Variants in PCDH15 observed in about 807,000 individuals in gnomAD.
The protein encoded by PCDH15 is protocadherin related 15, also known as protocadherin-15.
Under a neutral mutation model 178.5 loss-of-function variants are expected in PCDH15, and 129 were observed. That is an observed-to-expected ratio of 0.72 (90% confidence interval 0.63 to 0.84). The LOEUF (loss-of-function observed/expected upper bound fraction) is 0.84, where lower values mean the gene tolerates loss of function less well. Among genes scored for constraint, PCDH15 ranks in the 40% least tolerant of loss-of-function variants. The probability of loss-of-function intolerance (pLI) is 0.00; values close to 1 mark genes in which losing one functional copy is unlikely to be tolerated. For missense variants in PCDH15, 2,230 were observed against 2,099.9 expected (o/e 1.06, Z -1.21); for synonymous variants, 800 against 732.0 (o/e 1.09, Z -1.50).
intron 3 of PCDH15, among the ~76,000 whole-genome samples, chr10:54,813,247 G>A (rs1490826307): frequency 6.6e-6 from 1 of 151,960 alleles, no homozygotes; most frequent in African/African-American, 2.4e-5. Context: ...TTTCTCCCTA[G>A]ACTTTTATGC....
intron 11 of PCDH15, among the ~76,000 whole-genome samples, chr10:54,192,227 G>GGAGAGGGA (rs899208428): frequency 6.6e-6 from 1 of 150,820 alleles, no homozygotes. Context: ...GAGAAAGAAA[G>GGAGAGGGA]GAGAGGGAGA....
intron 35 of PCDH15, among the ~76,000 whole-genome samples, chr10:53,812,578 A>C (rs926563157): frequency 2.6e-5 from 4 of 152,172 alleles, no homozygotes; most frequent in African/African-American, 9.7e-5. Flanking sequence ...TAATATTTCC[A>C]GTTCTAAACT....
chr10:55,068,120 C>T (rs1484591594), intron 2 of PCDH15, among the ~76,000 whole-genome samples: 6 of 151,886 alleles, frequency 4.0e-5, no homozygotes, highest in Non-Finnish European at 8.8e-5. Context: ...GTTTTATTTG[C>T]CTGTACTTTT....
intron 23 of PCDH15, among the ~76,000 whole-genome samples, chr10:53,950,294 A>G (rs2086909587): frequency 6.6e-6 from 1 of 152,026 alleles, no homozygotes; most frequent in African/African-American, 2.4e-5. Flanking sequence ...CCCTTATTTT[A>G]TTATATATAT....
At chr10:55,361,520 T>C (rs1460472193) in intron 2 of PCDH15, among the ~76,000 whole-genome samples, 1 of 152,052 alleles carries the variant, frequency 6.6e-6, no homozygotes, top group Admixed American at 6.6e-5. Context: ...TCATATTGTT[T>C]ACTCTGCTTT....
intron 2 of PCDH15, among the ~76,000 whole-genome samples, chr10:54,556,155 ATTATT>A (rs1371272287): frequency 1.3e-5 from 2 of 152,190 alleles, no homozygotes; most frequent in Admixed American, 6.5e-5. Flanking sequence ...AAAATTCTAT[ATTATT>A]TTAATTTCCA....
chr10:54,885,333 A>G (rs945214327), intron 3 of PCDH15, among the ~76,000 whole-genome samples: 2 of 152,062 alleles, frequency 1.3e-5, no homozygotes, highest in Non-Finnish European at 2.9e-5. Context: ...TCATTTGAAA[A>G]AAAAATAAAT....
intron 2 of PCDH15, among the ~76,000 whole-genome samples, chr10:55,619,849 T>C (rs1038361414): frequency 1.3e-5 from 2 of 152,070 alleles, no homozygotes; most frequent in Admixed American, 1.3e-4. Flanking sequence ...TTAAATTATT[T>C]TGAAGCTCAT....
intron 1 of PCDH15, among the ~76,000 whole-genome samples, chr10:54,788,100 A>G (rs901108534): frequency 6.6e-6 from 1 of 151,880 alleles, no homozygotes; most frequent in Non-Finnish European, 1.5e-5. Flanking sequence ...ACTTTCAGGA[A>G]CATATGGGAG....
chr10:55,557,381 T>A (rs1207149165), intron 2 of PCDH15, among the ~76,000 whole-genome samples: 2 of 152,136 alleles, frequency 1.3e-5, no homozygotes, highest in Non-Finnish European at 2.9e-5. Context: ...GGCTATGTGA[T>A]CAGAACTGGT....
chr10:54,323,168 A>G (rs933548420), intron 7 of PCDH15, among the ~76,000 whole-genome samples: 1 of 152,140 alleles, frequency 6.6e-6, no homozygotes, highest in African/African-American at 2.4e-5. Flanking sequence ...ATGAGATATC[A>G]TCTCATACCA....
intron 2 of PCDH15, among the ~76,000 whole-genome samples, chr10:55,359,739 TATATATATACAC>T (rs1293924425): frequency 8.5e-5 from 10 of 117,314 alleles, no homozygotes; most frequent in East Asian, 2.1e-4. Flanking sequence ...TATATATATA[TATATATATACAC>T]ACACACACAC....
intron 2 of PCDH15, among the ~76,000 whole-genome samples, chr10:55,331,492 C>T (rs1342419116): frequency 6.6e-6 from 1 of 151,912 alleles, no homozygotes; most frequent in East Asian, 1.9e-4. Flanking sequence ...AAGATACCTA[C>T]CATTGAGAGC....
intron 6 of PCDH15, among the ~76,000 whole-genome samples, chr10:54,336,762 G>C (rs971744135): frequency 1.3e-5 from 2 of 152,218 alleles, no homozygotes; most frequent in African/African-American, 2.4e-5. Flanking sequence ...TCCCCACAAA[G>C]AGTTGCCACT....
intron 21 of PCDH15, among the ~76,000 whole-genome samples, chr10:53,968,061 C>T (rs548542911): frequency 1.2e-3 from 188 of 152,144 alleles, no homozygotes; most frequent in Non-Finnish European, 2.4e-3. Context: ...GGCATTGCCT[C>T]ACCTGGGAAG....
chr10:55,462,817 G>A (rs990934213), intron 2 of PCDH15, among the ~76,000 whole-genome samples: 3 of 151,968 alleles, frequency 2.0e-5, no homozygotes, highest in Non-Finnish European at 4.4e-5. Flanking sequence ...AATGCAAAGG[G>A]TATATGTTAT....
chr10:55,590,409 A>C (rs1842821936), intron 2 of PCDH15, among the ~76,000 whole-genome samples: 1 of 151,870 alleles, frequency 6.6e-6, no homozygotes, highest in Admixed American at 6.6e-5. Flanking sequence ...ACATGTATAC[A>C]TATGTAACTA....
intron 2 of PCDH15, among the ~76,000 whole-genome samples, chr10:55,582,616 A>ATTTT (rs1247006513): frequency 1.1e-5 from 1 of 88,962 alleles, no homozygotes; most frequent in African/African-American, 5.8e-5. Flanking sequence ...ATATATATAT[A>ATTTT]TATATATATA....
chr10:53,990,903 G>A (rs996173846), intron 21 of PCDH15, among the ~76,000 whole-genome samples: 5 of 151,940 alleles, frequency 3.3e-5, no homozygotes, highest in South Asian at 4.2e-4. Flanking sequence ...CCCACACTCC[G>A]AGCGGCCGTC....
Sources: gnomAD v4.1 joint callset for allele counts (sites outside exome capture counted in the v4.1 genomes callset) on GRCh38, gnomAD v4.1.1 for gene constraint, MANE v1.5 for transcripts, NCBI Gene and HGNC (gene_info 2026-07-23, HGNC 2026-07-21) for gene names.